The following KITLG variants were observed in gnomAD, a reference collection of about 807,000 sequenced individuals.
KITLG encodes KIT ligand.
KITLG carries 13 observed loss-of-function variants against 34.1 expected under a neutral mutation model. The observed-to-expected ratio is 0.38, with a 90% CI of 0.25 to 0.61. The LOEUF is 0.61. KITLG is among the 20% of genes least tolerant of loss of function. The pLI is 0.60. For missense variants in KITLG, 292 were observed against 318.9 expected (o/e 0.92, Z 0.64); for synonymous variants, 110 against 104.0 (o/e 1.06, Z -0.35).
chr12:88,542,718 T>C (rs186527264), intron 2 of KITLG, among the ~76,000 whole-genome samples: 1 of 152,226 alleles, frequency 6.6e-6, no homozygotes, highest in East Asian at 1.9e-4. Flanking sequence ...AACTTTTATG[T>C]AGATGCTAGT....
At chr12:88,498,982 G>A (rs558005031) in intron 9 of KITLG, among the ~76,000 whole-genome samples, 4 of 152,074 alleles carry the variant, frequency 2.6e-5, no homozygotes, top group Admixed American at 1.3e-4. Flanking sequence ...GAAAATAAAC[G>A]TAAAGACTGG....
intron 1 of KITLG, among the ~76,000 whole-genome samples, chr12:88,558,465 TTC>T (rs916798324): frequency 2.0e-5 from 3 of 152,212 alleles, no homozygotes; most frequent in Non-Finnish European, 2.9e-5. Flanking sequence ...CTTGATCGTT[TTC>T]TCTGTCACAT....
intron 6 of KITLG, among the ~76,000 whole-genome samples, chr12:88,514,260 G>A (rs926407644): frequency 4.6e-5 from 7 of 151,528 alleles, no homozygotes; most frequent in African/African-American, 7.3e-5. Context: ...TTTCCACTTC[G>A]AAAAGCTAGA....
intron 1 of KITLG, among the ~76,000 whole-genome samples, chr12:88,551,460 G>T (rs1870911820): frequency 6.6e-6 from 1 of 152,158 alleles, no homozygotes; most frequent in Non-Finnish European, 1.5e-5. Flanking sequence ...GCTTTTCTGT[G>T]ACGGTTCAGG....
At chr12:88,522,257 A>C (rs878881919) in intron 3 of KITLG, among the ~76,000 whole-genome samples, 10 of 152,126 alleles carry the variant, frequency 6.6e-5, no homozygotes, top group Admixed American at 3.3e-4. Flanking sequence ...AGAACCAGTA[A>C]ATTTGAGAAA....
At chr12:88,505,305 C>T in intron 8 of KITLG, 70 bp from the exon 9 acceptor site, 1 of 1,272,938 alleles carries the variant, frequency 7.9e-7, no homozygotes, top group Non-Finnish European at 1.1e-6. Flanking sequence ...ATGATCTCGG[C>T]ATTGTAAAAG....
chr12:88,537,000 A>T (rs572911067), intron 2 of KITLG, among the ~76,000 whole-genome samples: 1 of 152,054 alleles, frequency 6.6e-6, no homozygotes, highest in Non-Finnish European at 1.5e-5. Flanking sequence ...AATGTCAAAA[A>T]ACAACAGATG....
chr12:88,534,785 A>G, intron 2 of KITLG: 2 of 426,536 alleles, frequency 4.7e-6, no homozygotes, highest in Non-Finnish European at 9.1e-6. Flanking sequence ...CAAACTTTCC[A>G]CCAAGCTTCC....
rs1868475994 is a variant in KITLG at position 88,493,233 on chromosome 12, T to C, written c.*3986A>G. On this transcript the variant is annotated 3_prime_UTR_variant, in exon 10 of 10. Coordinates refer to ENST00000644744, the MANE Select transcript of KITLG (RefSeq NM_000899.5). ...AAGTACTGGAAAACGGTGTGGTTTT[T>C]AGTTTAACAGTTGTTTTAATTTTAT... 1 of 152,348 alleles carries C rather than the reference T, an allele frequency of 6.6e-6. No individual in the cohort carries two copies. Among genetic ancestry groups the C allele is most frequent in the Non-Finnish European group, 1.5e-5 (1 of 67,860 alleles). The allele number at this position is 152,348 out of a possible 1,614,324, so 9.4% of individuals were successfully genotyped here.
At chr12:88,560,693 G>C (rs547260514) in intron 1 of KITLG, among the ~76,000 whole-genome samples, 41 of 152,234 alleles carry the variant, frequency 2.7e-4, no homozygotes, top group African/African-American at 9.4e-4. Flanking sequence ...GTGTTGGCTG[G>C]GCGCTGTGGC....
intron 6 of KITLG, 25 bp downstream of exon 6, chr12:88,515,509 C>T (rs375429384): frequency 6.8e-7 from 1 of 1,462,550 alleles, no homozygotes; most frequent in South Asian, 1.1e-5. Flanking sequence ...GCCATGCATG[C>T]ATTAAATCAG....
intron 1 of KITLG, among the ~76,000 whole-genome samples, chr12:88,548,745 GC>G (rs1442101181): frequency 6.6e-6 from 1 of 152,100 alleles, no homozygotes; most frequent in Admixed American, 6.6e-5. Flanking sequence ...TTGTAATAAA[GC>G]ACACATCAGT....
At position 88,541,112 on chromosome 12, in the gene KITLG, A is replaced by G. The variant is rs117239045; in HGVS notation, c.129+4640T>C. 8.9e-3 allele frequency among the ~76,000 whole-genome samples: 1,353 copies of G among 152,254 alleles called. 8 individuals carry two copies. The highest frequency in any genetic ancestry group is 0.013 in the Admixed American group (206 of 15,282). On this transcript the variant is annotated intron_variant, in intron 2 of 9. Coordinates refer to ENST00000644744, the MANE Select transcript of KITLG (RefSeq NM_000899.5). ...TATTTGAAGAAGAAAAATAATCAGAATTAATCAAAACTGTCTATTCAAAGT... is the reference window on the plus strand; with the variant it reads ...TATTTGAAGAAGAAAAATAATCAGAGTTAATCAAAACTGTCTATTCAAAGT...
chr12:88,511,008 G>T (rs1050939923), intron 6 of KITLG, among the ~76,000 whole-genome samples: 1 of 152,066 alleles, frequency 6.6e-6, no homozygotes, highest in African/African-American at 2.4e-5. Flanking sequence ...TATCTAAGTG[G>T]CATATTCATG....
chr12:88,574,689 C>G (rs560905602), intron 1 of KITLG, among the ~76,000 whole-genome samples: 1 of 152,148 alleles, frequency 6.6e-6, no homozygotes, highest in Non-Finnish European at 1.5e-5. Flanking sequence ...TTTTCTTTCT[C>G]CATTTCAACT....
intron 2 of KITLG, among the ~76,000 whole-genome samples, 162 bp downstream of exon 2, chr12:88,545,590 A>G (rs760541242): frequency 6.6e-6 from 1 of 152,106 alleles, no homozygotes; most frequent in Non-Finnish European, 1.5e-5. Flanking sequence ...ATATCTCACT[A>G]CCTGCTTTCT....
intron 1 of KITLG, among the ~76,000 whole-genome samples, chr12:88,562,819 T>C (rs1871338237): frequency 6.6e-6 from 1 of 152,078 alleles, no homozygotes; most frequent in Non-Finnish European, 1.5e-5. Context: ...CATTGAAAAA[T>C]GCTTCTCCTG....
intron 1 of KITLG, among the ~76,000 whole-genome samples, chr12:88,558,215 A>G (rs2120945093): frequency 6.6e-6 from 1 of 152,142 alleles, no homozygotes; most frequent in Middle Eastern, 3.4e-3. Context: ...TGCTACTGAA[A>G]ATCTGACAAG....
At chr12:88,501,867 T>C (rs560904739) in intron 9 of KITLG, among the ~76,000 whole-genome samples, 25 of 152,314 alleles carry the variant, frequency 1.6e-4, no homozygotes, top group South Asian at 4.1e-4. Flanking sequence ...TCATCATTTA[T>C]ATGTGCACAG....
Sources: gnomAD v4.1 joint callset for allele counts (sites outside exome capture counted in the v4.1 genomes callset) on GRCh38, gnomAD v4.1.1 for gene constraint, MANE v1.5 for transcripts, NCBI Gene and HGNC (gene_info 2026-07-23, HGNC 2026-07-21) for gene names.